Variants in UBAC1 observed in about 807,000 individuals in gnomAD.
UBAC1 encodes ubiquitin-associated domain-containing protein 1.
In UBAC1, 27 loss-of-function variants were observed where a neutral mutation model predicts 45.9. The observed-to-expected ratio is 0.59, with a 90% CI of 0.43 to 0.81. The LOEUF (loss-of-function observed/expected upper bound fraction) is 0.81, where lower values mean the gene tolerates loss of function less well. Ranked by LOEUF, UBAC1 falls within the 30% of genes least tolerant of loss-of-function variation. The pLI, the probability that UBAC1 is intolerant of heterozygous loss-of-function variation, is 0.00. For missense variants in UBAC1, 529 were observed against 539.2 expected (o/e 0.98, Z 0.19); for synonymous variants, 227 against 215.5 (o/e 1.05, Z -0.47).
At chr9:135,935,808 C>T (rs569101222) in intron 9 of UBAC1, among the ~76,000 whole-genome samples, 8 of 152,220 alleles carry the variant, frequency 5.3e-5, no homozygotes, top group African/African-American at 1.7e-4. Flanking sequence ...GGGCGGATCA[C>T]GAGGTCAGGA....
chr9:135,954,872 T>C (rs906797861), intron 2 of UBAC1, among the ~76,000 whole-genome samples: 3 of 152,216 alleles, frequency 2.0e-5, no homozygotes, highest in African/African-American at 7.2e-5. Context: ...ATTATTTGAA[T>C]GACACAGACA....
In UBAC1 at chr9:135,933,297, G is replaced by A. The variant is rs1485986740; in HGVS notation, c.*103C>T. ...GCTGCAGCACCTCTAACAGTCCAGG[G>A]CTGAGGCGCTGAAGGTGAGTTTCCA... On this transcript the variant is annotated 3_prime_UTR_variant, in exon 10 of 10. Coordinates refer to ENST00000371756, the MANE Select transcript of UBAC1 (RefSeq NM_016172.3). 9.1e-6 allele frequency: 8 copies of A among 877,034 alleles called. No homozygotes were observed. The highest frequency in any genetic ancestry group is 7.2e-5 in the East Asian group (3 of 41,418). 54.3% of individuals were successfully genotyped at this position (877,034 alleles called of 1,614,324 possible). A position where few individuals can be genotyped will look rare whatever the true frequency, so the allele number is the denominator to read the frequency against.
chr9:135,944,955 G>GCTTC lies in UBAC1; in HGVS notation c.876+69_876+72dup, dbSNP rs1465272040. The GCTTC allele has an allele frequency of 3.4e-6, 5 of 1,460,420 alleles. No individual in the cohort carries two copies. In the Admixed American group the frequency reaches 7.9e-5, roughly 23 times the overall value. The allele number at this position is 1,460,420 out of a possible 1,614,324, so 90.5% of individuals were successfully genotyped here. A position where few individuals can be genotyped will look rare whatever the true frequency, so the allele number is the denominator to read the frequency against. ...GCCCAAGGTCAGCCATGCAGCCCCAGCTTCCTTTCCATGGCGCCACCTCAA... is the reference window on the plus strand; with the variant it reads ...GCCCAAGGTCAGCCATGCAGCCCCAGCTTCCTTCCTTTCCATGGCGCCACCTCAA... On this transcript the variant is annotated intron_variant, in intron 7 of 9. Transcript: ENST00000371756.
chr9:135,937,642 G>A (rs778413716), intron 9 of UBAC1, among the ~76,000 whole-genome samples: 1 of 152,028 alleles, frequency 6.6e-6, no homozygotes, highest in Admixed American at 6.6e-5. Flanking sequence ...ACACAAATAC[G>A]GCAAAACTCT....
In UBAC1 at chr9:135,933,436, C is replaced by G. The variant is rs761781996; in HGVS notation, c.1182G>C (p.Gln394His). The change falls in exon 10 of 10, where the codon CAG (glutamine) becomes CAC (histidine). Residue 394 changes from glutamine to histidine, a missense_variant. Coordinates refer to ENST00000371756, the MANE Select transcript of UBAC1 (RefSeq NM_016172.3). The part of the protein sequence containing the change: ...NDPETGPVML[Q>H]ISRIFQTLNR... ...TTAGTGTCTGGAAGATTCTAGAGAT[C>G]TGCAGCATGACAGGCCCCGTTTCTG... The G allele has an allele frequency of 9.9e-6, 16 of 1,614,172 alleles. No homozygotes were observed. Among genetic ancestry groups the G allele is most frequent in the Non-Finnish European group, 1.4e-5 (16 of 1,180,028 alleles).
At position 135,945,249 on chromosome 9, in the gene UBAC1, T is replaced by C; in HGVS notation, c.655A>G (p.Met219Val). Residue 219 changes from methionine to valine, a missense_variant and splice_region_variant, in exon 7 of 10, where the codon ATG becomes GTG. Coordinates refer to ENST00000371756, the MANE Select transcript of UBAC1 (RefSeq NM_016172.3). ...RATKALQLNH[M>V]SVPQAMEWLI... ...CACTCCATGGCCTGAGGCACCGACA[T>C]GCTGCAAGGCAAGAGACTCTTTCCA... is the stretch of plus-strand genomic sequence containing the variant. 6.3e-7 allele frequency: 1 copy of C among 1,580,338 alleles called. No individual in the cohort carries two copies.
At chr9:135,944,916 C>G (rs1487344036) in intron 7 of UBAC1, 112 bp downstream of exon 7, 1 of 1,084,480 alleles carries the variant, frequency 9.2e-7, no homozygotes, top group Non-Finnish European at 1.3e-6. Context: ...TCTCCTGGGA[C>G]AGGAGCCAGC....
chr9:135,935,802 G>A (rs913473201), intron 9 of UBAC1, among the ~76,000 whole-genome samples: 13 of 152,228 alleles, frequency 8.5e-5, no homozygotes, highest in South Asian at 8.3e-4. Flanking sequence ...CGAGACGGGC[G>A]GATCACGAGG....
intron 8 of UBAC1, 105 bp from the exon 9 acceptor site, chr9:135,938,465 G>A (rs1839225725): frequency 7.0e-7 from 1 of 1,432,438 alleles, no homozygotes; most frequent in Non-Finnish European, 9.3e-7. Flanking sequence ...GTGAGTTCCT[G>A]TTGAGCCCCC....
chr9:135,945,218 A>G lies in UBAC1; in HGVS notation c.686T>C (p.Ile229Thr), dbSNP rs142082711. 8.7e-6 allele frequency: 14 copies of G among 1,605,154 alleles called. No homozygotes were observed. The highest frequency in any genetic ancestry group is 1.1e-5 in the Non-Finnish European group (13 of 1,175,434). Residue 229 changes from isoleucine (I) to threonine (T), a missense_variant, in exon 7 of 10, where the codon ATT becomes ACT. Transcript: ENST00000371756. ...MSVPQAMEWL[I>T]EHAEDPTIDT... is the part of the protein sequence containing the mutation. ...TATGGTCGGGTCTTCTGCGTGTTCAATTAGCCACTCCATGGCCTGAGGCAC... is the reference window on the plus strand; with the variant it reads ...TATGGTCGGGTCTTCTGCGTGTTCAGTTAGCCACTCCATGGCCTGAGGCAC...
At position 135,933,456 on chromosome 9, in the gene UBAC1, T is replaced by G; in HGVS notation, c.1162A>C (p.Thr388Pro). 6.2e-7 allele frequency: 1 copy of G among 1,614,090 alleles called. No homozygotes were observed. Among genetic ancestry groups the G allele is most frequent in the Non-Finnish European group, 8.5e-7 (1 of 1,180,002 alleles). ...NSTQWMNDPETGPVMLQISRI... is the reference protein window; with the variant it reads ...NSTQWMNDPEPGPVMLQISRI... The stretch of plus-strand genomic sequence containing the variant: ...GAGATCTGCAGCATGACAGGCCCCG[T>G]TTCTGGATCATTCATCCACTGGGTG... The change falls in exon 10 of 10, where the codon ACG (threonine) becomes CCG (proline). Residue 388 changes from threonine to proline, a missense_variant. By Grantham distance (38) the Thr-to-Pro change is conservative. Transcript: ENST00000371756.
intron 6 of UBAC1, 24 bp downstream of exon 6, chr9:135,945,865 G>A: frequency 6.2e-7 from 1 of 1,605,916 alleles, no homozygotes. Flanking sequence ...CTCCGGCAAG[G>A]GAAGGAGGTG....
chr9:135,934,333 T>G (rs1191495502), intron 9 of UBAC1, among the ~76,000 whole-genome samples: 1 of 152,172 alleles, frequency 6.6e-6, no homozygotes, highest in African/African-American at 2.4e-5. Flanking sequence ...AATCCTCTGG[T>G]GTTCTGATTA....
At chr9:135,956,003 C>T (rs1406919908) in intron 1 of UBAC1, among the ~76,000 whole-genome samples, 1 of 152,162 alleles carries the variant, frequency 6.6e-6, no homozygotes, top group Non-Finnish European at 1.5e-5. Context: ...GCCCAGCTCA[C>T]GAAGCAACAG....
At position 135,955,166 on chromosome 9, in the gene UBAC1, G is replaced by A. The variant is rs569807459; in HGVS notation, c.259+129C>T. 33 of 969,210 alleles carry A rather than the reference G, an allele frequency of 3.4e-5. No homozygotes were observed. In the African/African-American group the frequency reaches 4.7e-4, roughly 14 times the overall value. The allele number at this position is 969,210 out of a possible 1,614,324, so 60.0% of individuals were successfully genotyped here. A position where few individuals can be genotyped will look rare whatever the true frequency, so the allele number is the denominator to read the frequency against. ...AAGGAAAAACAGAATGCTTTTAGTCGATCTCGTTTTTGTGCTCGTGTCCAG... is the reference window on the plus strand; with the variant it reads ...AAGGAAAAACAGAATGCTTTTAGTCAATCTCGTTTTTGTGCTCGTGTCCAG... On this transcript the variant is annotated intron_variant, in intron 2 of 9. Coordinates refer to ENST00000371756, the MANE Select transcript of UBAC1 (RefSeq NM_016172.3).
At chr9:135,957,297 G>A (rs1261117373) in intron 1 of UBAC1, among the ~76,000 whole-genome samples, 2 of 152,164 alleles carry the variant, frequency 1.3e-5, no homozygotes, top group Non-Finnish European at 2.9e-5. Flanking sequence ...GAACCCTCAA[G>A]TGCCTCTGGA....
At chr9:135,958,451 C>G (rs1839493680) in intron 1 of UBAC1, among the ~76,000 whole-genome samples, 1 of 152,148 alleles carries the variant, frequency 6.6e-6, no homozygotes, top group African/African-American at 2.4e-5. Flanking sequence ...CCACGGTGAT[C>G]CCAATTTGCA....
chr9:135,951,427 T>C (rs974500728), intron 3 of UBAC1, among the ~76,000 whole-genome samples: 1 of 151,596 alleles, frequency 6.6e-6, no homozygotes, highest in African/African-American at 2.4e-5. Flanking sequence ...GAGGTCAAGG[T>C]TGCAGTGAGT....
intron 7 of UBAC1, among the ~76,000 whole-genome samples, chr9:135,944,683 C>T (rs557234504): frequency 1.1e-4 from 17 of 152,160 alleles, no homozygotes; most frequent in African/African-American, 3.9e-4. Context: ...GAGAGGCTGC[C>T]GAACAGGGGG....
Sources: gnomAD v4.1 joint callset for allele counts (sites outside exome capture counted in the v4.1 genomes callset) on GRCh38, gnomAD v4.1.1 for gene constraint, MANE v1.5 for transcripts, NCBI Gene and HGNC (gene_info 2026-07-23, HGNC 2026-07-21) for gene names.